The following THRB variants were observed in gnomAD, a reference collection of about 807,000 sequenced individuals.
The protein encoded by THRB is thyroid hormone receptor beta, also known as nuclear receptor subfamily 1 group A member 2.
A neutral mutation model predicts 47.8 loss-of-function variants in THRB; 12 were observed. The ratio of observed to expected loss-of-function variants is 0.25; its 90% CI spans 0.16 to 0.41. The LOEUF is 0.41. Ranked by LOEUF, THRB falls within the 10% of genes least tolerant of loss-of-function variation. The probability of loss-of-function intolerance (pLI) is 1.00; values close to 1 mark genes in which losing one functional copy is unlikely to be tolerated. For synonymous variants in THRB, 218 were observed against 212.2 expected (o/e 1.03, Z -0.24); for missense variants, 348 against 589.2 (o/e 0.59, Z 4.24).
chr3:24,170,218 C>A (rs1466545512), intron 5 of THRB, among the ~76,000 whole-genome samples: 2 of 152,302 alleles, frequency 1.3e-5, no homozygotes, highest in South Asian at 4.1e-4. Context: ...CAAGACAACT[C>A]TTTTCTTCCC....
chr3:24,434,914 T>C (rs1467557464), intron 1 of THRB, among the ~76,000 whole-genome samples: 1 of 152,194 alleles, frequency 6.6e-6, no homozygotes. Flanking sequence ...ATCGGAATTT[T>C]ACTGTGTAGC....
chr3:24,128,975 C>G (rs2033392492), intron 9 of THRB, among the ~76,000 whole-genome samples: 1 of 144,200 alleles, frequency 6.9e-6, no homozygotes, highest in Admixed American at 7.4e-5. Context: ...GTTACAAATT[C>G]CTTTTGGGAA....
intron 1 of THRB, among the ~76,000 whole-genome samples, chr3:24,341,123 AT>A (rs67375658): frequency 0.3 from 40,650 of 136,674 alleles, 6,205 homozygotes; most frequent in African/African-American, 0.43. Flanking sequence ...GTCAATATCT[AT>A]TTTTTTTTTT....
chr3:24,330,892 C>T lies in THRB; in HGVS notation c.-189+6408G>A, dbSNP rs1338065662. ...AAGCTAAAATAAAAAGTAGGTTTTGCCTTGAAGCTAAGGGTGTCAAACACA... is the reference window on the plus strand; with the variant it reads ...AAGCTAAAATAAAAAGTAGGTTTTGTCTTGAAGCTAAGGGTGTCAAACACA... On this transcript the variant is annotated intron_variant, in intron 2 of 10. Coordinates refer to ENST00000646209, the MANE Select transcript of THRB (RefSeq NM_001354712.2). 3.4e-4 allele frequency among the ~76,000 whole-genome samples: 52 copies of T among 152,130 alleles called. 1 individual carries two copies. Among genetic ancestry groups the T allele is most frequent in the Non-Finnish European group, 1.5e-5 (1 of 68,018 alleles).
At chr3:24,460,548 G>A (rs1318162179) in intron 1 of THRB, among the ~76,000 whole-genome samples, 1 of 152,090 alleles carries the variant, frequency 6.6e-6, no homozygotes, top group African/African-American at 2.4e-5. Flanking sequence ...TTAATCTACT[G>A]TAATTAAAGG....
At chr3:24,336,516 A>G (rs2062261195) in intron 2 of THRB, among the ~76,000 whole-genome samples, 1 of 152,240 alleles carries the variant, frequency 6.6e-6, no homozygotes, top group Non-Finnish European at 1.5e-5. Flanking sequence ...ATATGCAGAG[A>G]TAAACTGAAA....
chr3:24,251,901 A>C (rs2050707761), intron 3 of THRB, among the ~76,000 whole-genome samples: 1 of 152,130 alleles, frequency 6.6e-6, no homozygotes, highest in African/African-American at 2.4e-5. Flanking sequence ...ATTGAGACAA[A>C]AAATCTTAAA....
At chr3:24,233,384 A>T (rs1369598785) in intron 3 of THRB, among the ~76,000 whole-genome samples, 3 of 151,864 alleles carry the variant, frequency 2.0e-5, no homozygotes, top group Admixed American at 1.3e-4. Context: ...GCTACTTGGG[A>T]GGCCAAGGTG....
rs188288336 is a variant in THRB, at chr3:24,298,837, T to C, written c.-188-1466A>G. 6.6e-5 allele frequency among the ~76,000 whole-genome samples: 10 copies of C among 152,364 alleles called. No homozygotes were observed. In the East Asian group the frequency reaches 1.9e-3, roughly 29 times the overall value. ...ATGAAAAAGGGTCTCTAGACATGAT[T>C]ATGGATTGTGACTCATTTGATTGTT... On this transcript the variant is annotated intron_variant, in intron 2 of 10. Transcript: ENST00000646209.
chr3:24,175,408 A>C (rs2041009151), intron 5 of THRB, among the ~76,000 whole-genome samples: 1 of 152,194 alleles, frequency 6.6e-6, no homozygotes, highest in Admixed American at 6.5e-5. Flanking sequence ...TCCCAAGAAG[A>C]CCAAAGGCAA....
At chr3:24,349,842 G>A (rs1400788153) in intron 1 of THRB, among the ~76,000 whole-genome samples, 2 of 151,826 alleles carry the variant, frequency 1.3e-5, no homozygotes, top group Non-Finnish European at 2.9e-5. Context: ...AAAGAAATAA[G>A]TAAACAATAA....
intron 1 of THRB, among the ~76,000 whole-genome samples, chr3:24,398,143 T>TA (rs1190519319): frequency 6.6e-6 from 1 of 152,054 alleles, no homozygotes; most frequent in Non-Finnish European, 1.5e-5. Context: ...TCTCATTTTT[T>TA]AAAAAAATGG....
At chr3:24,376,949 T>A (rs2149803954) in intron 1 of THRB, among the ~76,000 whole-genome samples, 1 of 152,184 alleles carries the variant, frequency 6.6e-6, no homozygotes, top group Middle Eastern at 3.4e-3. Flanking sequence ...TACTTTTTTT[T>A]CTTTTTGAGA....
chr3:24,331,412 T>A (rs2061921496), intron 2 of THRB, among the ~76,000 whole-genome samples: 1 of 152,170 alleles, frequency 6.6e-6, no homozygotes, highest in Non-Finnish European at 1.5e-5. Context: ...TTATGATGAC[T>A]TCCTACTCAT....
At chr3:24,171,558 T>G (rs2040439410) in intron 5 of THRB, among the ~76,000 whole-genome samples, 1 of 152,176 alleles carries the variant, frequency 6.6e-6, no homozygotes, top group Non-Finnish European at 1.5e-5. Flanking sequence ...ACTTGTCACA[T>G]GGTAGGTGGT....
intron 5 of THRB, among the ~76,000 whole-genome samples, chr3:24,163,580 G>A (rs1033748284): frequency 1.3e-5 from 2 of 152,126 alleles, no homozygotes; most frequent in African/African-American, 2.4e-5. Context: ...ATGAGGCAAT[G>A]TTAATTTCTT....
intron 10 of THRB, among the ~76,000 whole-genome samples, chr3:24,123,504 G>A (rs2032101743): frequency 6.6e-6 from 1 of 152,190 alleles, no homozygotes; most frequent in Admixed American, 6.5e-5. Flanking sequence ...GCAGAGAGGA[G>A]AGGATGAGCG....
chr3:24,135,846 TAATAC>T (rs2034593229), intron 8 of THRB, among the ~76,000 whole-genome samples: 4 of 121,122 alleles, frequency 3.3e-5, no homozygotes, highest in African/African-American at 6.6e-5. Context: ...TATATATATA[TAATAC>T]ATAAATATAT....
intron 1 of THRB, among the ~76,000 whole-genome samples, chr3:24,415,964 G>A (rs1465764149): frequency 6.6e-6 from 1 of 151,766 alleles, no homozygotes; most frequent in South Asian, 2.1e-4. Context: ...CTAGACTCAT[G>A]ATCCAACAAG....
Sources: allele counts gnomAD v4.1 joint callset (sites outside exome capture counted in the v4.1 genomes callset), GRCh38; gene constraint gnomAD v4.1.1; transcripts MANE v1.5; gene names NCBI Gene and HGNC (gene_info 2026-07-23, HGNC 2026-07-21).